SLC24A4: variants seen among roughly 807,000 people sequenced by gnomAD.
The protein encoded by SLC24A4 is solute carrier family 24 member 4.
Under a neutral mutation model 79.0 loss-of-function variants are expected in SLC24A4, and 53 were observed. The observed-to-expected ratio is 0.67, with a 90% CI of 0.54 to 0.84. The LOEUF is 0.84. Ranked by LOEUF, SLC24A4 falls within the 40% of genes least tolerant of loss-of-function variation. SLC24A4 has a pLI of 0.00. For synonymous variants in SLC24A4, 323 were observed against 323.8 expected (o/e 1.00, Z 0.03); for missense variants, 731 against 822.0 (o/e 0.89, Z 1.35).
chr14:92,336,768 G>A (rs966649684), intron 2 of SLC24A4, among the ~76,000 whole-genome samples: 1 of 152,158 alleles, frequency 6.6e-6, no homozygotes, highest in African/African-American at 2.4e-5. Flanking sequence ...AGGAAAGAGT[G>A]TGGTGGTTCA....
At chr14:92,413,102 A>C (rs1890809608) in intron 2 of SLC24A4, among the ~76,000 whole-genome samples, 1 of 152,116 alleles carries the variant, frequency 6.6e-6, no homozygotes, top group Non-Finnish European at 1.5e-5. Flanking sequence ...TGAAATATTT[A>C]CTGTCTGTCT....
Position 92,493,517 on chromosome 14 carries a change from G to T in SLC24A4, c.1758G>T (p.Lys586Asn), listed in dbSNP as rs1434342276. ...TAAACAAGTGGCGACTGGACCGGAA[G>T]CTGGGTGTCTACGTGCTGGTTCTCT... ...IHLNKWRLDR[K>N]LGVYVLVLYA... The change falls in exon 17 of 17, where the codon AAG becomes AAT. Residue 586 changes from lysine to asparagine, a missense_variant. Lys to Asn is a moderately conservative substitution (Grantham distance 94). Transcript: ENST00000532405. 3 of 1,614,214 alleles carry T rather than the reference G, an allele frequency of 1.9e-6. No homozygotes were observed. Among genetic ancestry groups the T allele is most frequent in the Non-Finnish European group, 8.5e-7 (1 of 1,180,036 alleles).
intron 12 of SLC24A4, among the ~76,000 whole-genome samples, chr14:92,481,681 T>G (rs1895079037): frequency 6.6e-6 from 1 of 152,230 alleles, no homozygotes; most frequent in South Asian, 2.1e-4. Flanking sequence ...GAGTTCACTG[T>G]TCTTACTAAG....
chr14:92,474,825 A>ATGTGTGTGTGTGTG lies in SLC24A4; in HGVS notation c.1256-7854_1256-7853insGTGTGTGTGTGTGT, dbSNP rs762949686. On this transcript the variant is annotated intron_variant, in intron 12 of 16. Coordinates refer to ENST00000532405, the MANE Select transcript of SLC24A4 (RefSeq NM_153646.4). The stretch of plus-strand genomic sequence containing the variant: ...TATACATATATACATATATATACAT[A>ATGTGTGTGTGTGTG]TATATGTGTGTGTGTGTGTATATAT... Among the ~76,000 whole-genome samples the ATGTGTGTGTGTGTG allele has an allele frequency of 4.6e-3, 146 of 31,734 alleles. 4 individuals carry two copies. Among genetic ancestry groups the ATGTGTGTGTGTGTG allele is most frequent in the East Asian group, 8.7e-3 (19 of 2,180 alleles). The allele number at this position is 31,734 out of a possible 152,430, so 20.8% of individuals were successfully genotyped here. A position where few individuals can be genotyped will look rare whatever the true frequency, so the allele number is the denominator to read the frequency against.
intron 2 of SLC24A4, among the ~76,000 whole-genome samples, chr14:92,333,379 G>A (rs993507075): frequency 4.6e-5 from 7 of 152,220 alleles, no homozygotes; most frequent in Admixed American, 2.6e-4. Flanking sequence ...ACAGGCATGA[G>A]CCACTGTGCC....
At chr14:92,392,487 G>A (rs548433953) in intron 2 of SLC24A4, among the ~76,000 whole-genome samples, 19 of 152,046 alleles carry the variant, frequency 1.2e-4, no homozygotes, top group Admixed American at 3.3e-4. Context: ...GGTATGTATC[G>A]GGGTGACAGC....
chr14:92,398,791 G>C lies in SLC24A4; in HGVS notation c.242-35121G>C, dbSNP rs1889926575. Reference sequence around the variant, plus strand: ...CTGCCCTCAGTGGAAACCCCGGAGAGATGGCTGCACTAGATGGAGTCTCTA... The same window carrying C: ...CTGCCCTCAGTGGAAACCCCGGAGACATGGCTGCACTAGATGGAGTCTCTA... On this transcript the variant is annotated intron_variant, in intron 2 of 16. Transcript: ENST00000532405. This position sits in a 1 kb window ranked among gnomAD's most constrained non-coding sequence, Gnocchi z 4.1. 6.6e-6 allele frequency among the ~76,000 whole-genome samples: 1 copy of C among 152,230 alleles called. No individual in the cohort carries two copies. Among genetic ancestry groups the C allele is most frequent in the African/African-American group, 2.4e-5 (1 of 41,464 alleles).
At chr14:92,402,428 T>C (rs911147878) in intron 2 of SLC24A4, among the ~76,000 whole-genome samples, 2 of 152,166 alleles carry the variant, frequency 1.3e-5, no homozygotes, top group Non-Finnish European at 2.9e-5. Flanking sequence ...GTCCACATAC[T>C]ATGATCAAAA....
chr14:92,437,494 A>G (rs1162063528), intron 3 of SLC24A4, among the ~76,000 whole-genome samples: 1 of 152,254 alleles, frequency 6.6e-6, no homozygotes, highest in Non-Finnish European at 1.5e-5. Context: ...AAACCATTTT[A>G]AAACTGCTGA....
chr14:92,490,300 G>A lies in SLC24A4; in HGVS notation c.1538-1365G>A, dbSNP rs1319745478. On this transcript the variant is annotated intron_variant, in intron 14 of 16. Coordinates refer to ENST00000532405, the MANE Select transcript of SLC24A4 (RefSeq NM_153646.4). The surrounding 1 kb of genome is among the most constrained non-coding windows in gnomAD (Gnocchi z 4.3). ...ATGGCTCAGTGGCCGGGTTAGGGCA[G>A]ATTCCAGCCAGTACGAGTCTTACTT... is the stretch of plus-strand genomic sequence containing the variant. Among the ~76,000 whole-genome samples the A allele has an allele frequency of 1.3e-5, 2 of 152,026 alleles. No individual in the cohort carries two copies. The highest frequency in any genetic ancestry group is 4.8e-5 in the African/African-American group (2 of 41,372).
chr14:92,382,701 G>A (rs1383653288), intron 2 of SLC24A4, among the ~76,000 whole-genome samples: 1 of 152,134 alleles, frequency 6.6e-6, no homozygotes, highest in Admixed American at 6.5e-5. Context: ...TCATGCCTTG[G>A]CCACCTAACC....
chr14:92,384,121 T>C (rs1367440775), intron 2 of SLC24A4, among the ~76,000 whole-genome samples: 1 of 152,018 alleles, frequency 6.6e-6, no homozygotes, highest in African/African-American at 2.4e-5. Flanking sequence ...GTGGTTGTTT[T>C]CCCCCCAGCT....
intron 2 of SLC24A4, among the ~76,000 whole-genome samples, chr14:92,383,655 G>C (rs932069999): frequency 2.6e-5 from 4 of 152,322 alleles, no homozygotes; most frequent in African/African-American, 9.6e-5. Context: ...GGCAGAGAGA[G>C]ACTGTATCAA....
At chr14:92,475,766 G>C (rs11626878) in intron 12 of SLC24A4, among the ~76,000 whole-genome samples, 14,522 of 152,140 alleles carry the variant, frequency 0.095, 816 homozygotes, top group South Asian at 0.15. Flanking sequence ...ACACATACCT[G>C]GAAATATAAA....
intron 2 of SLC24A4, among the ~76,000 whole-genome samples, chr14:92,328,524 G>A (rs1885281837): frequency 6.6e-6 from 1 of 152,240 alleles, no homozygotes; most frequent in South Asian, 2.1e-4. Context: ...ACAGAACTGG[G>A]TTTAGCAGAA....
At chr14:92,373,741 G>A (rs1431350742) in intron 2 of SLC24A4, among the ~76,000 whole-genome samples, 1 of 152,188 alleles carries the variant, frequency 6.6e-6, no homozygotes. Flanking sequence ...ACTTAGTTGT[G>A]TGTGTGCTTA....
rs72695167 is a variant in SLC24A4 at position 92,423,633 on chromosome 14, A to T, written c.242-10279A>T. 3.0e-3 allele frequency among the ~76,000 whole-genome samples: 455 copies of T among 152,320 alleles called. 4 individuals are homozygous for T. Among genetic ancestry groups the T allele is most frequent in the Non-Finnish European group, 5.6e-3 (384 of 68,034 alleles). On this transcript the variant is annotated intron_variant, in intron 2 of 16. Coordinates refer to ENST00000532405, the MANE Select transcript of SLC24A4 (RefSeq NM_153646.4). ...GAAATAAACAAAGACCACACAAATGAAAACAACCCAAAATATTTACTCAGA... is the reference window on the plus strand; with the variant it reads ...GAAATAAACAAAGACCACACAAATGTAAACAACCCAAAATATTTACTCAGA...
intron 12 of SLC24A4, among the ~76,000 whole-genome samples, chr14:92,470,842 G>A (rs575392843): frequency 1.4e-4 from 21 of 152,274 alleles, no homozygotes; most frequent in South Asian, 4.1e-4. Flanking sequence ...TATTCAGGCC[G>A]GTTTAAGCCA....
intron 12 of SLC24A4, among the ~76,000 whole-genome samples, chr14:92,473,047 C>T (rs946574757): frequency 2.0e-5 from 3 of 152,192 alleles, no homozygotes; most frequent in Non-Finnish European, 2.9e-5. Context: ...TGGCCCCATG[C>T]GGCACACCCT....
Sources: gnomAD v4.1 joint callset for allele counts (sites outside exome capture counted in the v4.1 genomes callset) on GRCh38, gnomAD v4.1.1 for gene constraint, Gnocchi (gnomAD v3.1) non-coding constraint, MANE v1.5 for transcripts, NCBI Gene and HGNC (gene_info 2026-07-23, HGNC 2026-07-21) for gene names.